EPHA6: variants seen among roughly 807,000 people sequenced by gnomAD.
EPHA6 encodes the protein EPH receptor A6.
EPHA6 carries 50 observed loss-of-function variants against 112.0 expected under a neutral mutation model. That is an observed-to-expected ratio of 0.45 (90% confidence interval 0.36 to 0.56). EPHA6 has a LOEUF of 0.56. Ranked by LOEUF, EPHA6 falls within the 20% of genes least tolerant of loss-of-function variation. The pLI is 0.00. For synonymous variants in EPHA6, 529 were observed against 490.7 expected (o/e 1.08, Z -1.03); for missense variants, 1,280 against 1,417.4 (o/e 0.90, Z 1.56).
chr3:97,452,289 A>C (rs1164498672), intron 7 of EPHA6, among the ~76,000 whole-genome samples: 2 of 151,802 alleles, frequency 1.3e-5, no homozygotes, highest in Non-Finnish European at 3.0e-5. Flanking sequence ...CTTGAACTGG[A>C]GCTATTGGTT....
chr3:97,475,338 T>C lies in EPHA6; in HGVS notation c.1895-14T>C. Reference sequence around the variant, plus strand: ...GTCACCCAGGGAAATTTTAATATTGTATCTCTGTTTCAGCTTCTGACATGG... The same window carrying C: ...GTCACCCAGGGAAATTTTAATATTGCATCTCTGTTTCAGCTTCTGACATGG... On this transcript the variant is annotated splice_polypyrimidine_tract_variant and intron_variant, in intron 7 of 17. Coordinates refer to ENST00000389672, the MANE Select transcript of EPHA6 (RefSeq NM_001080448.3). 1 of 1,591,730 alleles carries C rather than the reference T, an allele frequency of 6.3e-7. No homozygotes were observed.
intron 11 of EPHA6, among the ~76,000 whole-genome samples, chr3:97,543,051 T>G (rs1452843653): frequency 2.6e-5 from 4 of 152,234 alleles, no homozygotes; most frequent in African/African-American, 9.6e-5. Context: ...AGGTTGCCTG[T>G]TCAGTCTAAT....
chr3:97,066,198 GTGTTT>G (rs780803539), intron 3 of EPHA6, among the ~76,000 whole-genome samples: 174 of 152,144 alleles, frequency 1.1e-3, no homozygotes, highest in Non-Finnish European at 1.8e-3. Context: ...TGAATTAAGA[GTGTTT>G]CTTCTACCAT....
At chr3:97,088,901 C>T (rs759364292) in intron 3 of EPHA6, among the ~76,000 whole-genome samples, 3 of 152,068 alleles carry the variant, frequency 2.0e-5, no homozygotes, top group Non-Finnish European at 4.4e-5. Context: ...GTGTGATACT[C>T]GAGACGCTAA....
intron 3 of EPHA6, among the ~76,000 whole-genome samples, chr3:97,129,317 G>A (rs377689620): frequency 6.6e-6 from 1 of 151,960 alleles, no homozygotes; most frequent in Non-Finnish European, 1.5e-5. Context: ...GGCTAACACG[G>A]TGAAACCCTG....
chr3:97,491,616 T>G (rs1244105691), intron 10 of EPHA6, among the ~76,000 whole-genome samples: 3 of 60,336 alleles, frequency 5.0e-5, no homozygotes, highest in East Asian at 9.3e-4. Flanking sequence ...TGTAAGGGTA[T>G]GCTTTTTTTT....
intron 3 of EPHA6, among the ~76,000 whole-genome samples, chr3:97,034,077 T>G (rs377766220): frequency 1.4e-4 from 22 of 152,094 alleles, no homozygotes; most frequent in Middle Eastern, 3.4e-3. Context: ...AAATATATTC[T>G]AAGTCTACAG....
At chr3:97,358,603 ATACT>A (rs1420936044) in intron 5 of EPHA6, among the ~76,000 whole-genome samples, 4 of 152,138 alleles carry the variant, frequency 2.6e-5, no homozygotes, top group Admixed American at 6.5e-5. Context: ...TTGTACAATA[ATACT>A]TACTATCTTT....
chr3:96,834,137 T>A (rs2034256162), intron 1 of EPHA6, among the ~76,000 whole-genome samples: 1 of 152,050 alleles, frequency 6.6e-6, no homozygotes, highest in Non-Finnish European at 1.5e-5. Flanking sequence ...AAGGAAGATC[T>A]TGGTAGCTCC....
chr3:97,641,595 C>T (rs982871702), intron 14 of EPHA6, among the ~76,000 whole-genome samples: 5 of 152,162 alleles, frequency 3.3e-5, no homozygotes, highest in East Asian at 1.9e-4. Context: ...GCACCATGCG[C>T]GAGCCGAAGC....
At chr3:97,610,267 C>A (rs541293747) in intron 12 of EPHA6, among the ~76,000 whole-genome samples, 7 of 151,506 alleles carry the variant, frequency 4.6e-5, no homozygotes, top group African/African-American at 1.7e-4. Context: ...TGCTTAAAGG[C>A]CCTTAAAATC....
chr3:97,413,302 G>A (rs2087865577), intron 6 of EPHA6, among the ~76,000 whole-genome samples: 1 of 151,902 alleles, frequency 6.6e-6, no homozygotes, highest in Non-Finnish European at 1.5e-5. Flanking sequence ...GGATGCGCCT[G>A]AGGAAAAAAG....
At chr3:97,675,140 G>A (rs144044806) in intron 14 of EPHA6, among the ~76,000 whole-genome samples, 152 of 152,256 alleles carry the variant, frequency 1.0e-3, no homozygotes, top group Admixed American at 1.9e-3. Flanking sequence ...TGGTTTCATC[G>A]TTAAACAAAA....
chr3:97,106,363 A>T (rs1024373922), intron 3 of EPHA6, among the ~76,000 whole-genome samples: 1 of 151,884 alleles, frequency 6.6e-6, no homozygotes, highest in Non-Finnish European at 1.5e-5. Flanking sequence ...CCCAATCTCA[A>T]TTCCAGGTTT....
At chr3:97,613,463 T>G (rs1050452379) in intron 13 of EPHA6, among the ~76,000 whole-genome samples, 1 of 152,126 alleles carries the variant, frequency 6.6e-6, no homozygotes, top group Non-Finnish European at 1.5e-5. Context: ...ATTTGTTATT[T>G]TATTATGAAG....
At chr3:97,360,802 T>A (rs1219445980) in intron 5 of EPHA6, among the ~76,000 whole-genome samples, 2 of 152,250 alleles carry the variant, frequency 1.3e-5, no homozygotes, top group African/African-American at 4.8e-5. Context: ...AGTATTTATA[T>A]AGTATAAGGA....
At chr3:96,959,775 C>CA (rs372333198) in intron 2 of EPHA6, among the ~76,000 whole-genome samples, 6 of 149,230 alleles carry the variant, frequency 4.0e-5, no homozygotes, top group East Asian at 4.0e-4. Flanking sequence ...AACAGAAAAA[C>CA]AAAAAAAATC....
intron 10 of EPHA6, among the ~76,000 whole-genome samples, chr3:97,518,079 T>C (rs1014190130): frequency 5.3e-5 from 8 of 152,150 alleles, no homozygotes; most frequent in Admixed American, 1.3e-4. Flanking sequence ...CTCATCAGCA[T>C]ATTGATTTCT....
intron 5 of EPHA6, among the ~76,000 whole-genome samples, chr3:97,364,413 G>A (rs1443552737): frequency 2.0e-5 from 3 of 150,352 alleles, no homozygotes; most frequent in Non-Finnish European, 4.4e-5. Context: ...TATTTCAGGA[G>A]ACATCAAGAA....
Sources: gnomAD v4.1 joint callset for allele counts (sites outside exome capture counted in the v4.1 genomes callset) on GRCh38, gnomAD v4.1.1 for gene constraint, MANE v1.5 for transcripts, NCBI Gene and HGNC (gene_info 2026-07-23, HGNC 2026-07-21) for gene names.